Variants in SYMPK observed in about 807,000 individuals in gnomAD.
SYMPK encodes the protein symplekin scaffold protein.
A neutral mutation model predicts 136.4 loss-of-function variants in SYMPK; 49 were observed. The ratio of observed to expected loss-of-function variants is 0.36; its 90% CI spans 0.29 to 0.46. The LOEUF is 0.46. Among genes scored for constraint, SYMPK ranks in the 20% least tolerant of loss-of-function variants. The pLI is 1.00. For synonymous variants in SYMPK, 766 were observed against 713.0 expected (o/e 1.07, Z -1.19); for missense variants, 1,365 against 1,690.0 (o/e 0.81, Z 3.37).
Position 45,823,451 on chromosome 19 carries a change from A to C in SYMPK, c.2621T>G (p.Val874Gly), listed in dbSNP as rs1970958348. The change falls in exon 20 of 27, where the codon GTG becomes GGG. Residue 874 changes from valine to glycine, a missense_variant. Physicochemically the swap from Val to Gly is moderately radical, Grantham distance 109 (BLOSUM62 -3). This residue lies in a region of SYMPK where 92 missense variants were observed against 198.6 expected (regional missense o/e 0.46). Transcript: ENST00000245934. ...GTGGTAGAGATCCCGGACCCGCTTCACCAGCTCTGGGGAGGGTGGGACTGC... is the reference window on the plus strand; with the variant it reads ...GTGGTAGAGATCCCGGACCCGCTTCCCCAGCTCTGGGGAGGGTGGGACTGC... Reference protein sequence around the residue: ...TDKVPPSPELVKRVRDLYHKR... With the variant: ...TDKVPPSPELGKRVRDLYHKR... 1 of 1,613,800 alleles carries C rather than the reference A, an allele frequency of 6.2e-7. No homozygotes were observed. Among genetic ancestry groups the C allele is most frequent in the South Asian group, 1.1e-5 (1 of 91,086 alleles).
chr19:45,858,109 C>G (rs1013324262), intron 1 of SYMPK, among the ~76,000 whole-genome samples: 1 of 152,046 alleles, frequency 6.6e-6, no homozygotes, highest in African/African-American at 2.4e-5. Context: ...GAAAATGACA[C>G]GTTTTTTAAA....
At chr19:45,853,415 G>A (rs1971741406) in intron 3 of SYMPK, among the ~76,000 whole-genome samples, 1 of 152,204 alleles carries the variant, frequency 6.6e-6, no homozygotes, top group Middle Eastern at 3.4e-3. Flanking sequence ...AAGGAGGGTG[G>A]ACCACTTGAG....
At chr19:45,833,478 TG>T (rs1287518133) in intron 11 of SYMPK, among the ~76,000 whole-genome samples, 1 of 152,008 alleles carries the variant, frequency 6.6e-6, no homozygotes, top group East Asian at 1.9e-4. Context: ...GCCGGGCACC[TG>T]TAATTCCAGC....
chr19:45,824,001 A>C, intron 18 of SYMPK, 126 bp from the exon 19 acceptor site: 1 of 490,778 alleles, frequency 2.0e-6, no homozygotes, highest in Non-Finnish European at 3.8e-6. Context: ...CAGGGTTTGG[A>C]GGGCGGGGGA....
chr19:45,828,197 T>A (rs910760252), intron 14 of SYMPK: 2 of 391,742 alleles, frequency 5.1e-6, no homozygotes, highest in African/African-American at 2.1e-5. Context: ...GAGGGAATGA[T>A]GGCGGGTGGA....
rs1475998649 is a variant in SYMPK, at chr19:45,815,425, T to C, written c.*135A>G. ...CCGCGCCCCAGGCCCGCCATCCCTT[T>C]TTTTTTTTCTTTTCAGTAACTTGCC... On this transcript the variant is annotated 3_prime_UTR_variant, in exon 27 of 27. Coordinates refer to ENST00000245934, the MANE Select transcript of SYMPK (RefSeq NM_004819.3). 7.6e-6 allele frequency: 8 copies of C among 1,046,262 alleles called. No homozygotes were observed. The highest frequency in any genetic ancestry group is 3.2e-5 in the Admixed American group (1 of 31,090). 64.8% of individuals were successfully genotyped at this position (1,046,262 alleles called of 1,614,324 possible).
chr19:45,822,870 T>G (rs2146304066), intron 20 of SYMPK, 24 bp from the exon 21 acceptor site: 3 of 1,575,546 alleles, frequency 1.9e-6, no homozygotes, highest in Non-Finnish European at 2.6e-6. Flanking sequence ...GTGGTGGGGG[T>G]GGGAGTTGAG....
Position 45,823,763 on chromosome 19 carries a change from T to A in SYMPK, c.2599+4A>T. The A allele has an allele frequency of 6.2e-7, 1 of 1,612,066 alleles. No homozygotes were observed. Among genetic ancestry groups the A allele is most frequent in the Non-Finnish European group, 8.5e-7 (1 of 1,178,530 alleles). The stretch of plus-strand genomic sequence containing the variant: ...CCATGAAAGGTGGGGGTCTCCAGGG[T>A]CACCTTTGTCTGTGAGGCTGTGCAG... On this transcript the variant is annotated splice_donor_region_variant and intron_variant, in intron 19 of 26. Transcript: ENST00000245934.
Position 45,848,858 on chromosome 19 carries a change from C to A in SYMPK, c.318G>T (p.Leu106Phe). Residue 106 changes from leucine (L) to phenylalanine (F), a missense_variant, in exon 6 of 27, where the codon TTG becomes TTT. Leu to Phe is a conservative substitution (Grantham distance 22). Coordinates refer to ENST00000245934, the MANE Select transcript of SYMPK (RefSeq NM_004819.3). The stretch of plus-strand genomic sequence containing the variant: ...TGAGGTTTGCAATGAGTTTCAGCAG[C>A]AACTCAATGTCTCGCTTGCTGAGGG... ...IEEACKRDIE[L>F]LLKLIANLNM... is the part of the protein sequence containing the mutation. The A allele has an allele frequency of 6.2e-7, 1 of 1,614,014 alleles. No individual in the cohort carries two copies. Among genetic ancestry groups the A allele is most frequent in the Non-Finnish European group, 8.5e-7 (1 of 1,180,012 alleles).
intron 8 of SYMPK, 135 bp from the exon 9 acceptor site, chr19:45,842,624 C>G (rs767971254): frequency 4.6e-6 from 6 of 1,291,880 alleles, no homozygotes; most frequent in Non-Finnish European, 5.3e-6. Context: ...TCAGATCTAA[C>G]GTGTGGCTTT....
chr19:45,823,922 G>T, intron 18 of SYMPK, 47 bp from the exon 19 acceptor site: 1 of 1,527,022 alleles, frequency 6.5e-7, no homozygotes, highest in African/African-American at 1.5e-5. Context: ...AGAGCTTAGG[G>T]GAGGGTCAGG....
At chr19:45,858,199 CTA>C (rs1250300011) in intron 1 of SYMPK, among the ~76,000 whole-genome samples, 1 of 152,138 alleles carries the variant, frequency 6.6e-6, no homozygotes, top group Non-Finnish European at 1.5e-5. Flanking sequence ...AGCCTCCTCC[CTA>C]GTTTCCCTGC....
At chr19:45,859,631 A>G (rs985772646) in intron 1 of SYMPK, among the ~76,000 whole-genome samples, 2 of 152,056 alleles carry the variant, frequency 1.3e-5, no homozygotes, top group East Asian at 3.9e-4. Context: ...CAAAGAAAGG[A>G]AAGAAAACAA....
intron 10 of SYMPK, among the ~76,000 whole-genome samples, chr19:45,836,160 C>G (rs906035596): frequency 7.9e-5 from 12 of 151,494 alleles, no homozygotes; most frequent in Non-Finnish European, 1.5e-4. Flanking sequence ...CAGCTCACTG[C>G]AACCTCTGCC....
chr19:45,841,286 T>TC (rs34730430), intron 9 of SYMPK, among the ~76,000 whole-genome samples: 36,361 of 143,302 alleles, frequency 0.25, 4,632 homozygotes, highest in East Asian at 0.45. Context: ...GCCTGGCAAT[T>TC]CCCCCCCCAC....
chr19:45,830,294 G>A, intron 12 of SYMPK, 90 bp from the exon 13 acceptor site: 6 of 1,440,896 alleles, frequency 4.2e-6, no homozygotes, highest in Non-Finnish European at 5.7e-6. Context: ...GACTAGGTAG[G>A]CAACAGAGAT....
At chr19:45,830,242 G>C in intron 12 of SYMPK, 38 bp from the exon 13 acceptor site, 1 of 1,590,060 alleles carries the variant, frequency 6.3e-7, no homozygotes, top group Non-Finnish European at 8.6e-7. Flanking sequence ...CAGTGACCCA[G>C]ACTGCAGCAA....
chr19:45,833,585 CAACAG>C (rs770442808), intron 11 of SYMPK, among the ~76,000 whole-genome samples: 11 of 152,060 alleles, frequency 7.2e-5, no homozygotes, highest in Non-Finnish European at 1.5e-4. Flanking sequence ...CCAGCCTGGG[CAACAG>C]AGTGAGAATC....
In SYMPK at chr19:45,816,830, G is replaced by A. The variant is rs779466966; in HGVS notation, c.3226C>T (p.Leu1076=). 3 of 1,545,504 alleles carry A rather than the reference G, an allele frequency of 1.9e-6. No individual in the cohort carries two copies. The highest frequency in any genetic ancestry group is 2.6e-6 in the Non-Finnish European group (3 of 1,145,202). Reference sequence around the variant, plus strand: ...GGGGTGAAGGAGCGGACATGGGCCAGCAGGGGCTCCCGGAGCTCTGGGCAC... The same window carrying A: ...GGGGTGAAGGAGCGGACATGGGCCAACAGGGGCTCCCGGAGCTCTGGGCAC... ...DKCPELREPL[L]AHVRSFTPHQ... is the part of the protein sequence containing the mutation. Residue 1076 remains leucine, a synonymous_variant, in exon 24 of 27, where the codon CTG becomes TTG. Coordinates refer to ENST00000245934, the MANE Select transcript of SYMPK (RefSeq NM_004819.3).
Sources: allele counts gnomAD v4.1 joint callset (sites outside exome capture counted in the v4.1 genomes callset), GRCh38; gene constraint gnomAD v4.1.1; regional missense constraint gnomAD v4.1.1; transcripts MANE v1.5; gene names NCBI Gene and HGNC (gene_info 2026-07-23, HGNC 2026-07-21).